TNFSF18: variants seen among roughly 807,000 people sequenced by gnomAD.
TNFSF18 encodes the protein tumor necrosis factor ligand superfamily member 18.
Under a neutral mutation model 9.6 loss-of-function variants are expected in TNFSF18, and 6 were observed. The observed-to-expected ratio is 0.63, with a 90% CI of 0.34 to 1.24. TNFSF18 has a LOEUF of 1.24. TNFSF18 is among the 50% of genes most tolerant of loss of function. TNFSF18 has a pLI of 0.03. For missense variants in TNFSF18, 210 were observed against 201.0 expected, an observed-to-expected ratio of 1.04 and a Z score of -0.27; for synonymous variants, 68 against 71.7, an observed-to-expected ratio of 0.95 and a Z score of 0.26.
At chr1:173,050,710 A>T in intron 1 of TNFSF18, 31 bp downstream of exon 1, 1 of 1,422,212 alleles carries the variant, frequency 7.0e-7, no homozygotes, top group Non-Finnish European at 9.6e-7. Flanking sequence ...ATTATAGCAA[A>T]TAGTAACCTT....
rs761222900 is a variant in TNFSF18 at position 173,050,834 on chromosome 1, T to A, written c.63A>T (p.Arg21Ser). Residue 21 changes from arginine (R) to serine (S), a missense_variant, in exon 1 of 3, where the codon AGA becomes AGT. Physicochemically the swap from Arg to Ser is moderately radical, Grantham distance 110 (BLOSUM62 -1). Coordinates refer to ENST00000404377, the MANE Select transcript of TNFSF18 (RefSeq NM_005092.4). ...AAAAGAGCCACAGCTTCCAGGATGA[T>A]CTCTGAGCTCCTTGAGTTCTTGAAT... ...LSHSRTQGAQRSSWKLWLFCS... is the reference protein window; with the variant it reads ...LSHSRTQGAQSSSWKLWLFCS... 1.2e-6 allele frequency: 2 copies of A among 1,613,744 alleles called. No individual in the cohort carries two copies. Among genetic ancestry groups the A allele is most frequent in the East Asian group, 4.5e-5 (2 of 44,860 alleles).
Position 173,041,371 on chromosome 1 carries a change from G to A in TNFSF18, c.530C>T (p.Ser177Phe). Residue 177 changes from serine to phenylalanine, a missense_variant, in exon 3 of 3, where the codon TCC becomes TTC. Ser to Phe is a radical substitution (Grantham distance 155). Transcript: ENST00000404377. ...IILLANPQFI[S>F] ...TGAGGAGATCAAATCAAGTCTCTAG[G>A]AGATGAATTGGGGATTTGCTAGTAA... The A allele has an allele frequency of 6.2e-7, 1 of 1,602,218 alleles. No individual in the cohort carries two copies. The highest frequency in any genetic ancestry group is 8.5e-7 in the Non-Finnish European group (1 of 1,173,616).
Position 173,041,517 on chromosome 1 carries a change from T to C in TNFSF18, c.384A>G (p.Thr128=), listed in dbSNP as rs753180029. 1.2e-5 allele frequency: 19 copies of C among 1,613,470 alleles called. 1 individual carries two copies. The highest frequency in any genetic ancestry group is 1.5e-5 in the Non-Finnish European group (18 of 1,179,642). Residue 128 remains threonine, a synonymous_variant, in exon 3 of 3, where the codon ACA becomes ACG. Coordinates refer to ENST00000404377, the MANE Select transcript of TNFSF18 (RefSeq NM_005092.4). Reference sequence around the variant, plus strand: ...CTACATTTTGGATTTTAGATTTGTTTGTTAGAGTTTGTATCATGTCTTTGT... The same window carrying C: ...CTACATTTTGGATTTTAGATTTGTTCGTTAGAGTTTGTATCATGTCTTTGT... The part of the protein sequence containing the change: ...YKNKDMIQTL[T]NKSKIQNVGG...
chr1:173,044,043 A>G, intron 1 of TNFSF18, 74 bp from the exon 2 acceptor site: 1 of 1,380,422 alleles, frequency 7.2e-7, no homozygotes, highest in Non-Finnish European at 1.0e-6. Context: ...ATTTATTTAG[A>G]GCTTTGAATT....
Position 173,041,733 on chromosome 1 carries a change from A to T in TNFSF18, c.188-20T>A, listed in dbSNP as rs1275252144. 1.3e-6 allele frequency: 2 copies of T among 1,534,114 alleles called. No individual in the cohort carries two copies. Among genetic ancestry groups the T allele is most frequent in the South Asian group, 1.3e-5 (1 of 79,106 alleles). On this transcript the variant is annotated intron_variant, in intron 2 of 2. Transcript: ENST00000404377. Reference sequence around the variant, plus strand: ...ATGGTCCTATAAGAAATATACAAGGATAAAAAAGATGAAAGCATAGTTATT... The same window carrying T: ...ATGGTCCTATAAGAAATATACAAGGTTAAAAAAGATGAAAGCATAGTTATT...
rs201414792 is a variant in TNFSF18, at chr1:173,049,639, ACTTAT to A, written c.156+1097_156+1101del. On this transcript the variant is annotated intron_variant, in intron 1 of 2. Coordinates refer to ENST00000404377, the MANE Select transcript of TNFSF18 (RefSeq NM_005092.4). ...CCTGCATCTTTTCTCAATTACTTTT[ACTTAT>A]CTTAAGTGGTAGAACTATATCTTTG... is the stretch of plus-strand genomic sequence containing the variant. Among the ~76,000 whole-genome samples the A allele has an allele frequency of 5.1e-3, 770 of 152,230 alleles. 8 individuals carry two copies. The highest frequency in any genetic ancestry group is 0.012 in the African/African-American group (518 of 41,540).
At chr1:173,046,229 T>C (rs1276634212) in intron 1 of TNFSF18, among the ~76,000 whole-genome samples, 3 of 152,196 alleles carry the variant, frequency 2.0e-5, no homozygotes, top group Non-Finnish European at 4.4e-5. Context: ...TAGTCGAGCT[T>C]TTGTCATTAG....
intron 2 of TNFSF18, among the ~76,000 whole-genome samples, chr1:173,042,059 T>A (rs1465378833): frequency 2.6e-5 from 4 of 152,262 alleles, no homozygotes; most frequent in Admixed American, 6.5e-5. Flanking sequence ...AAGCCAAAAT[T>A]TTGAAAACCA....
At chr1:173,046,655 T>C (rs1194957822) in intron 1 of TNFSF18, among the ~76,000 whole-genome samples, 16 of 152,130 alleles carry the variant, frequency 1.1e-4, no homozygotes, top group Non-Finnish European at 1.5e-5. Context: ...TGGTTTTGCA[T>C]TGTGAGAGTT....
Position 173,043,197 on chromosome 1 carries a change from G to A in TNFSF18, c.187+742C>T, listed in dbSNP as rs75943229. On this transcript the variant is annotated intron_variant, in intron 2 of 2. Transcript: ENST00000404377. ...ACACAAAGAAAGAGACAGGCAAAAG[G>A]ACATTTTCTAATTCCCACAAGCCAA... Among the ~76,000 whole-genome samples, 1,055 of 152,128 alleles carry A rather than the reference G, an allele frequency of 6.9e-3. 12 individuals are homozygous for A. Among genetic ancestry groups the A allele is most frequent in the African/African-American group, 0.024 (992 of 41,514 alleles).
At position 173,047,860 on chromosome 1, in the gene TNFSF18, T is replaced by A. The variant is rs144588743; in HGVS notation, c.156+2881A>T. On this transcript the variant is annotated intron_variant, in intron 1 of 2. Coordinates refer to ENST00000404377, the MANE Select transcript of TNFSF18 (RefSeq NM_005092.4). Reference sequence around the variant, plus strand: ...TCCATCTAATTGCAAAATCATAAATTTGGCTCTGAGATATAGTGTTTGATT... The same window carrying A: ...TCCATCTAATTGCAAAATCATAAATATGGCTCTGAGATATAGTGTTTGATT... 3.5e-3 allele frequency among the ~76,000 whole-genome samples: 526 copies of A among 152,308 alleles called. 1 individual carries two copies. Among genetic ancestry groups the A allele is most frequent in the Admixed American group, 7.1e-3 (109 of 15,292 alleles).
chr1:173,045,404 T>C (rs1373973118), intron 1 of TNFSF18, among the ~76,000 whole-genome samples: 1 of 152,192 alleles, frequency 6.6e-6, no homozygotes, highest in Non-Finnish European at 1.5e-5. Flanking sequence ...TCAAATGCTG[T>C]TGATAGATCA....
At chr1:173,043,407 T>C (rs974025833) in intron 2 of TNFSF18, among the ~76,000 whole-genome samples, 2 of 152,158 alleles carry the variant, frequency 1.3e-5, no homozygotes, top group South Asian at 4.1e-4. Context: ...TGTAAACTGG[T>C]GTGTTTTCTA....
At chr1:173,048,219 A>C (rs7521966) in intron 1 of TNFSF18, among the ~76,000 whole-genome samples, 243 of 152,252 alleles carry the variant, frequency 1.6e-3, no homozygotes, top group African/African-American at 5.4e-3. Flanking sequence ...GTAAGTTTCT[A>C]TTTATAATTC....
rs538761402 is a variant in TNFSF18, at chr1:173,040,576, C to A, written c.*791G>T. The A allele has an allele frequency of 6.6e-6, 1 of 152,130 alleles. No individual in the cohort carries two copies. The highest frequency in any genetic ancestry group is 2.4e-5 in the African/African-American group (1 of 41,444). The allele number at this position is 152,130 out of a possible 1,614,324, so 9.4% of individuals were successfully genotyped here. A position where few individuals can be genotyped will look rare whatever the true frequency, so the allele number is the denominator to read the frequency against. On this transcript the variant is annotated 3_prime_UTR_variant, in exon 3 of 3. Transcript: ENST00000404377. ...GGAAAGCTAGCTAAAAATACTAAATCATTACATGACATAATCCAGTAATGA... is the reference window on the plus strand; with the variant it reads ...GGAAAGCTAGCTAAAAATACTAAATAATTACATGACATAATCCAGTAATGA...
At position 173,039,731 on chromosome 1, in the gene TNFSF18, C is replaced by T. The variant is rs1405501153; in HGVS notation, c.*1636G>A. 6.8e-6 allele frequency among the ~76,000 whole-genome samples: 1 copy of T among 146,796 alleles called. No homozygotes were observed. The highest frequency in any genetic ancestry group is 1.5e-5 in the Non-Finnish European group (1 of 67,232). On this transcript the variant is annotated 3_prime_UTR_variant, in exon 3 of 3. Transcript: ENST00000404377. ...TTATAAGTATACATATATATACACACACACATATACACACACACACACACA... is the reference window on the plus strand; with the variant it reads ...TTATAAGTATACATATATATACACATACACATATACACACACACACACACA...
intron 1 of TNFSF18, among the ~76,000 whole-genome samples, chr1:173,050,170 T>C (rs1665147409): frequency 6.6e-6 from 1 of 152,222 alleles, no homozygotes; most frequent in East Asian, 1.9e-4. Context: ...CTACCACCAG[T>C]TTTTTTAGAT....
At chr1:173,044,023 T>G in intron 1 of TNFSF18, 54 bp from the exon 2 acceptor site, 1 of 1,515,162 alleles carries the variant, frequency 6.6e-7, no homozygotes, top group Non-Finnish European at 9.2e-7. Context: ...GTCATTAATT[T>G]TTTTGATTGA....
rs1186551772 is a variant in TNFSF18 at position 173,041,294 on chromosome 1, T to C, written c.*73A>G. ...AGACAGACAAACTCTAGAAATTGAA[T>C]ATCTTCTCCCTCCAATCCACCCACT... On this transcript the variant is annotated 3_prime_UTR_variant, in exon 3 of 3. Coordinates refer to ENST00000404377, the MANE Select transcript of TNFSF18 (RefSeq NM_005092.4). 16 of 1,218,084 alleles carry C rather than the reference T, an allele frequency of 1.3e-5. No homozygotes were observed. The highest frequency in any genetic ancestry group is 3.0e-5 in the South Asian group (2 of 65,936). 75.5% of individuals were successfully genotyped at this position (1,218,084 alleles called of 1,614,324 possible).
Sources: gnomAD v4.1 joint callset for allele counts (sites outside exome capture counted in the v4.1 genomes callset) on GRCh38, gnomAD v4.1.1 for gene constraint, MANE v1.5 for transcripts, NCBI Gene and HGNC (gene_info 2026-07-23, HGNC 2026-07-21) for gene names.